ZRANB3: variants seen among roughly 807,000 people sequenced by gnomAD.
The protein encoded by ZRANB3 is zinc finger RANBP2-type containing 3.
Under a neutral mutation model 133.8 loss-of-function variants are expected in ZRANB3, and 125 were observed. The ratio of observed to expected loss-of-function variants is 0.93; its 90% CI spans 0.81 to 1.08. The LOEUF (loss-of-function observed/expected upper bound fraction) is 1.08. Ranked by LOEUF, ZRANB3 falls within the 50% of genes least tolerant of loss-of-function variation. The pLI is 0.00. For synonymous variants in ZRANB3, 387 were observed against 432.7 expected (o/e 0.89, Z 1.31); for missense variants, 1,229 against 1,275.5 (o/e 0.96, Z 0.56).
At chr2:135,236,231 A>G (rs1199393827) in intron 12 of ZRANB3, among the ~76,000 whole-genome samples, 1 of 152,094 alleles carries the variant, frequency 6.6e-6, no homozygotes, top group African/African-American at 2.4e-5. Flanking sequence ...CAACTTAGAA[A>G]GGAAGTGAAG....
chr2:135,432,568 C>T (rs1689368344), intron 2 of ZRANB3, among the ~76,000 whole-genome samples: 1 of 152,056 alleles, frequency 6.6e-6, no homozygotes, highest in Non-Finnish European at 1.5e-5. Context: ...TAAGAGTTAA[C>T]CATAGCTGAC....
intron 8 of ZRANB3, among the ~76,000 whole-genome samples, chr2:135,286,181 T>G (rs577367475): frequency 6.6e-6 from 1 of 152,312 alleles, no homozygotes; most frequent in East Asian, 1.9e-4. Flanking sequence ...ACCTGGGCAG[T>G]GTACACTGCA....
chr2:135,315,018 C>T (rs62172178), intron 7 of ZRANB3, among the ~76,000 whole-genome samples: 1 of 152,116 alleles, frequency 6.6e-6, no homozygotes, highest in Non-Finnish European at 1.5e-5. Context: ...CTGCCCACCT[C>T]AGCCTCCCAA....
intron 2 of ZRANB3, among the ~76,000 whole-genome samples, chr2:135,484,108 T>G (rs1254062826): frequency 6.6e-6 from 1 of 152,164 alleles, no homozygotes; most frequent in African/African-American, 2.4e-5. Context: ...GGTGGAGAGC[T>G]CTGTAGATGT....
At chr2:135,229,418 AG>A (rs962120752) in intron 13 of ZRANB3, among the ~76,000 whole-genome samples, 8 of 145,276 alleles carry the variant, frequency 5.5e-5, no homozygotes, top group African/African-American at 2.1e-4. Context: ...CCCAGCCTGG[AG>A]TGCAGTGGCG....
chr2:135,286,466 C>T (rs779745653), intron 8 of ZRANB3, among the ~76,000 whole-genome samples: 19 of 152,032 alleles, frequency 1.2e-4, no homozygotes, highest in South Asian at 2.1e-4. Context: ...TTGGTAGTGA[C>T]GGGGTTTCAC....
intron 15 of ZRANB3, 63 bp downstream of exon 15, chr2:135,224,363 C>A: frequency 7.5e-7 from 1 of 1,332,192 alleles, no homozygotes; most frequent in South Asian, 1.5e-5. Context: ...AGTATCTCCA[C>A]TGAAAAGTGA....
At chr2:135,360,540 C>T (rs1267899903) in intron 3 of ZRANB3, among the ~76,000 whole-genome samples, 3 of 150,698 alleles carry the variant, frequency 2.0e-5, no homozygotes, top group African/African-American at 7.3e-5. Context: ...CCCATCTCCA[C>T]TAAAAATACA....
chr2:135,272,419 T>TTA (rs1384554955), intron 9 of ZRANB3, among the ~76,000 whole-genome samples: 1 of 139,498 alleles, frequency 7.2e-6, no homozygotes, highest in East Asian at 2.0e-4. Context: ...TAGAGCTTTT[T>TTA]TTTTTTTTTT....
chr2:135,397,504 T>C (rs1166376119), intron 2 of ZRANB3, among the ~76,000 whole-genome samples: 1 of 151,814 alleles, frequency 6.6e-6, no homozygotes, highest in Non-Finnish European at 1.5e-5. Context: ...CACTTTAGGA[T>C]GGGTATATCC....
At chr2:135,281,872 C>A (rs1349538036) in intron 8 of ZRANB3, among the ~76,000 whole-genome samples, 1 of 152,192 alleles carries the variant, frequency 6.6e-6, no homozygotes, top group Non-Finnish European at 1.5e-5. Flanking sequence ...AGTTGCCCAT[C>A]ATTTCAGCTC....
chr2:135,433,358 G>A (rs1050346799), intron 2 of ZRANB3, among the ~76,000 whole-genome samples: 19 of 152,056 alleles, frequency 1.2e-4, no homozygotes, highest in Admixed American at 6.6e-5. Flanking sequence ...ATGCACTCCA[G>A]CACGGGCAAC....
chr2:135,493,102 TA>T (rs1692468829), intron 2 of ZRANB3, among the ~76,000 whole-genome samples: 7 of 152 alleles, frequency 0.046, no homozygotes, highest in African/African-American at 0.13. Flanking sequence ...ATACCAAATA[TA>T]TATATATATA....
intron 2 of ZRANB3, among the ~76,000 whole-genome samples, chr2:135,475,202 C>T (rs1691451526): frequency 6.6e-6 from 1 of 152,106 alleles, no homozygotes. Flanking sequence ...GTAACTATTC[C>T]CCAATTTCTA....
At chr2:135,209,525 T>C (rs1282303985) in intron 17 of ZRANB3, among the ~76,000 whole-genome samples, 2 of 152,122 alleles carry the variant, frequency 1.3e-5, no homozygotes, top group African/African-American at 4.8e-5. Flanking sequence ...CCATACAGGG[T>C]TTATGGATTC....
rs554991625 is a variant in ZRANB3, at chr2:135,251,779, G to C, written c.1539+13755C>G. ...CCGCTGGGCATGGTGGCTCACACCTGTAATCCCAGCACTTTGGGAGGCTGA... is the reference window on the plus strand; with the variant it reads ...CCGCTGGGCATGGTGGCTCACACCTCTAATCCCAGCACTTTGGGAGGCTGA... On this transcript the variant is annotated intron_variant, in intron 12 of 20. Coordinates refer to ENST00000264159, the MANE Select transcript of ZRANB3 (RefSeq NM_032143.4). Among the ~76,000 whole-genome samples, 313 of 152,316 alleles carry C rather than the reference G, an allele frequency of 2.1e-3. 1 individual carries two copies. The highest frequency in any genetic ancestry group is 7.0e-3 in the African/African-American group (291 of 41,568).
At chr2:135,202,031 T>A (rs989010811) in intron 20 of ZRANB3, among the ~76,000 whole-genome samples, 9 of 152,220 alleles carry the variant, frequency 5.9e-5, no homozygotes, top group African/African-American at 2.2e-4. Context: ...ACAAAAAATG[T>A]GCTTGGTGGC....
chr2:135,405,827 A>G (rs954274526), intron 2 of ZRANB3, among the ~76,000 whole-genome samples: 2 of 152,236 alleles, frequency 1.3e-5, no homozygotes, highest in African/African-American at 2.4e-5. Context: ...AGCAGTGTGT[A>G]GAGGGAAATT....
At position 135,265,598 on chromosome 2, in the gene ZRANB3, A is replaced by G. The variant is rs1680196128; in HGVS notation, c.1475T>C (p.Phe492Ser). The G allele has an allele frequency of 6.2e-7, 1 of 1,613,494 alleles. No individual in the cohort carries two copies. Among genetic ancestry groups the G allele is most frequent in the African/African-American group, 1.3e-5 (1 of 74,936 alleles). The change falls in exon 12 of 21, where the codon TTT (phenylalanine) becomes TCT (serine). Residue 492 changes from phenylalanine to serine, a missense_variant. By Grantham distance (155) the Phe-to-Ser change is radical (BLOSUM62 -2). Transcript: ENST00000264159. The part of the protein sequence containing the change: ...GDKEKWDFLQ[F>S]AEAWTPNDSS... ...GTCATTTGGAGTCCAAGCTTCAGCA[A>G]ACTGCAGGAAATCCCATTTTTCCTT...
Sources: allele counts gnomAD v4.1 joint callset (sites outside exome capture counted in the v4.1 genomes callset), GRCh38; gene constraint gnomAD v4.1.1; transcripts MANE v1.5; gene names NCBI Gene and HGNC (gene_info 2026-07-23, HGNC 2026-07-21).